AFG2A: variants seen among roughly 807,000 people sequenced by gnomAD.
AFG2A encodes ATPase family gene 2 protein homolog A.
the AFG2A span, among the ~76,000 whole-genome samples, chr4:123,112,805 T>C: frequency 6.6e-6 from 1 of 152,188 alleles, no homozygotes; most frequent in Non-Finnish European, 1.5e-5. Flanking sequence ...TTTCTTGATA[T>C]TTTGATTTTT....
the AFG2A span, among the ~76,000 whole-genome samples, chr4:123,123,226 C>A: frequency 6.6e-6 from 1 of 152,094 alleles, no homozygotes; most frequent in Non-Finnish European, 1.5e-5. Context: ...TGATTAAATT[C>A]TTGATAAGTC....
At chr4:123,120,123 A>G in the AFG2A span, among the ~76,000 whole-genome samples, 1 of 152,196 alleles carries the variant, frequency 6.6e-6, no homozygotes, top group Non-Finnish European at 1.5e-5. Flanking sequence ...AGAATTTATC[A>G]TCAACACTGA....
At chr4:123,086,758 A>G in the AFG2A span, among the ~76,000 whole-genome samples, 1 of 151,518 alleles carries the variant, frequency 6.6e-6, no homozygotes, top group Admixed American at 6.6e-5. Context: ...CTTGCTTTTC[A>G]GTTTTGGAAG....
chr4:123,247,219 G>T, the AFG2A span, among the ~76,000 whole-genome samples: 1 of 123,000 alleles, frequency 8.1e-6, no homozygotes, highest in Admixed American at 9.4e-5. Flanking sequence ...GTGCTTACTT[G>T]CGTGCGTGTG....
At chr4:123,024,303 C>A in the AFG2A span, among the ~76,000 whole-genome samples, 3 of 45,988 alleles carry the variant, frequency 6.5e-5, no homozygotes, top group South Asian at 2.3e-3. Flanking sequence ...AACAGACCCC[C>A]CAAAAAAAAA....
chr4:123,288,145 G>GT, the AFG2A span, among the ~76,000 whole-genome samples: 2 of 152,156 alleles, frequency 1.3e-5, no homozygotes, highest in Admixed American at 1.3e-4. Flanking sequence ...GAGCAATTCA[G>GT]TGGGGGAGTG....
the AFG2A span, among the ~76,000 whole-genome samples, chr4:123,154,355 G>A: frequency 6.6e-6 from 1 of 152,034 alleles, no homozygotes; most frequent in Admixed American, 6.6e-5. Context: ...CAAGAGAAAG[G>A]AAAATGGAAA....
chr4:122,935,713 G>C, the AFG2A span: 1 of 1,571,018 alleles, frequency 6.4e-7, no homozygotes, highest in Non-Finnish European at 8.6e-7. Context: ...TTTTCTTCCA[G>C]GAATTCCTGC....
chr4:122,971,149 A>G, the AFG2A span, among the ~76,000 whole-genome samples: 1 of 152,188 alleles, frequency 6.6e-6, no homozygotes, highest in Non-Finnish European at 1.5e-5. Context: ...GCTTATACCT[A>G]TAACTCCAGC....
chr4:123,041,445 G>A, the AFG2A span, among the ~76,000 whole-genome samples: 32 of 151,076 alleles, frequency 2.1e-4, no homozygotes, highest in Non-Finnish European at 4.3e-4. Flanking sequence ...TCATGTATCT[G>A]TCTCCTAATT....
chr4:123,063,434 A>G, the AFG2A span, among the ~76,000 whole-genome samples: 6 of 152,148 alleles, frequency 3.9e-5, no homozygotes, highest in African/African-American at 1.4e-4. Context: ...ATTAGTCCCA[A>G]AGTGACAATG....
At chr4:123,172,301 C>A in the AFG2A span, among the ~76,000 whole-genome samples, 1 of 152,182 alleles carries the variant, frequency 6.6e-6, no homozygotes, top group African/African-American at 2.4e-5. Flanking sequence ...GCAGCATACA[C>A]AAGATAAGTT....
the AFG2A span, among the ~76,000 whole-genome samples, chr4:122,997,483 A>G: frequency 6.6e-6 from 1 of 152,178 alleles, no homozygotes. Context: ...AATTTTTTTT[A>G]ACTGCCAGAT....
At chr4:123,251,969 G>C in the AFG2A span, among the ~76,000 whole-genome samples, 10 of 152,148 alleles carry the variant, frequency 6.6e-5, no homozygotes, top group African/African-American at 2.4e-4. Context: ...TATACAAAAA[G>C]TATACAACAG....
At chr4:123,067,155 A>G in the AFG2A span, among the ~76,000 whole-genome samples, 2 of 152,156 alleles carry the variant, frequency 1.3e-5, no homozygotes, top group Admixed American at 6.5e-5. Flanking sequence ...AACTCAGAGC[A>G]GTATATGTTG....
At chr4:123,140,820 G>T in the AFG2A span, among the ~76,000 whole-genome samples, 1 of 152,080 alleles carries the variant, frequency 6.6e-6, no homozygotes, top group African/African-American at 2.4e-5. Context: ...CTTGTAGGAT[G>T]AGAAAGATTT....
the AFG2A span, among the ~76,000 whole-genome samples, chr4:123,173,147 C>T: frequency 6.6e-6 from 1 of 151,956 alleles, no homozygotes; most frequent in Non-Finnish European, 1.5e-5. Flanking sequence ...ACCAGATTTT[C>T]AGGGGATGTA....
chr4:123,229,110 A>G, the AFG2A span, among the ~76,000 whole-genome samples: 1 of 151,968 alleles, frequency 6.6e-6, no homozygotes, highest in Admixed American at 6.6e-5. Flanking sequence ...CTGGCATATA[A>G]CATTTATGTT....
the AFG2A span, among the ~76,000 whole-genome samples, chr4:123,209,382 G>C: frequency 2.0e-5 from 3 of 152,010 alleles, no homozygotes; most frequent in Admixed American, 2.0e-4. Context: ...AAAGTCTTCT[G>C]TATTGATTGC....
Sources: gnomAD v4.1 joint callset for allele counts (sites outside exome capture counted in the v4.1 genomes callset) on GRCh38, gnomAD v4.1.1 for gene constraint, MANE v1.5 for transcripts, NCBI Gene and HGNC (gene_info 2026-07-23, HGNC 2026-07-21) for gene names.